Variants in CALN1 observed in about 807,000 individuals in gnomAD.
CALN1 encodes calcium-binding protein 8.
CALN1 carries 17 observed loss-of-function variants against 30.6 expected under a neutral mutation model. The ratio of observed to expected loss-of-function variants is 0.56; its 90% CI spans 0.38 to 0.83. The LOEUF is 0.83. Ranked by LOEUF, CALN1 falls within the 40% of genes least tolerant of loss-of-function variation. CALN1 has a pLI of 0.00. For synonymous variants in CALN1, 156 were observed against 131.4 expected, an observed-to-expected ratio of 1.19 and a Z score of -1.28; for missense variants, 291 against 354.9, an observed-to-expected ratio of 0.82 and a Z score of 1.45.
intron 4 of CALN1, among the ~76,000 whole-genome samples, chr7:72,075,505 G>A (rs183469244): frequency 6.6e-5 from 10 of 152,266 alleles, no homozygotes; most frequent in South Asian, 2.1e-4. Context: ...TCTGTCTACC[G>A]GTTGAACCTG....
intron 2 of CALN1, among the ~76,000 whole-genome samples, chr7:72,284,398 T>C (rs915288572): frequency 2.0e-5 from 3 of 152,254 alleles, no homozygotes; most frequent in Non-Finnish European, 4.4e-5. Flanking sequence ...GACTGGGCCA[T>C]GGGTTGCCCA....
At chr7:72,309,006 C>A (rs1799856251) in intron 2 of CALN1, among the ~76,000 whole-genome samples, 1 of 152,172 alleles carries the variant, frequency 6.6e-6, no homozygotes, top group Non-Finnish European at 1.5e-5. Flanking sequence ...TCAGTTATAC[C>A]TTATCCCCAT....
At chr7:72,352,542 A>G (rs914130125) in intron 2 of CALN1, among the ~76,000 whole-genome samples, 4 of 152,320 alleles carry the variant, frequency 2.6e-5, no homozygotes, top group Admixed American at 6.5e-5. Context: ...AGTTTTGCAT[A>G]ATGCGTATGT....
Position 72,178,619 on chromosome 7 carries a change from G to A in CALN1, c.245-72325C>T, listed in dbSNP as rs377334487. 1.9e-3 allele frequency among the ~76,000 whole-genome samples: 296 copies of A among 152,040 alleles called. 2 individuals are homozygous for A. Among genetic ancestry groups the A allele is most frequent in the Middle Eastern group, 6.8e-3 (2 of 294 alleles). On this transcript the variant is annotated intron_variant, in intron 3 of 6. Coordinates refer to ENST00000395275, the MANE Select transcript of CALN1 (RefSeq NM_031468.4). Reference sequence around the variant, plus strand: ...CAGGAGAATCATTTGAACTCGGGAGGCGGAGGTTGCAGTGAGCCGAGATCG... The same window carrying A: ...CAGGAGAATCATTTGAACTCGGGAGACGGAGGTTGCAGTGAGCCGAGATCG...
chr7:71,907,239 A>AACACACACACACACACACACACACACAC (rs71531773), intron 5 of CALN1, among the ~76,000 whole-genome samples: 17 of 147,840 alleles, frequency 1.1e-4, no homozygotes, highest in African/African-American at 4.2e-4. Context: ...ATGAGGTTTA[A>AACACACACACACACACACACACACACAC]ACACACACAC....
chr7:72,131,932 C>T (rs1261385330), intron 3 of CALN1, among the ~76,000 whole-genome samples: 1 of 152,182 alleles, frequency 6.6e-6, no homozygotes, highest in Admixed American at 6.5e-5. Context: ...CCCCATCCCA[C>T]ATGATTGTTG....
At chr7:72,120,422 T>C (rs1268702586) in intron 3 of CALN1, among the ~76,000 whole-genome samples, 3 of 152,168 alleles carry the variant, frequency 2.0e-5, no homozygotes, top group East Asian at 1.9e-4. Flanking sequence ...CCTATGGCCA[T>C]AGCAAAATTG....
chr7:72,037,183 C>T (rs1801852099), intron 4 of CALN1, among the ~76,000 whole-genome samples: 1 of 151,604 alleles, frequency 6.6e-6, no homozygotes, highest in Admixed American at 6.6e-5. Context: ...CGCAGTCTCG[C>T]ACTGTCACCC....
intron 4 of CALN1, among the ~76,000 whole-genome samples, chr7:72,063,129 AG>A (rs758797568): frequency 6.6e-6 from 1 of 152,252 alleles, no homozygotes. Context: ...ATCAAAAAAA[AG>A]GATCAAGCTG....
chr7:71,984,759 A>G (rs1798575876), intron 5 of CALN1, among the ~76,000 whole-genome samples: 1 of 152,234 alleles, frequency 6.6e-6, no homozygotes, highest in African/African-American at 2.4e-5. Flanking sequence ...ACCTGACAGC[A>G]ATAACTTTAG....
At chr7:71,853,280 T>A (rs1213233644) in intron 5 of CALN1, among the ~76,000 whole-genome samples, 1 of 152,106 alleles carries the variant, frequency 6.6e-6, no homozygotes, top group Non-Finnish European at 1.5e-5. Context: ...AAAATAAATT[T>A]GAAAATATTT....
intron 3 of CALN1, among the ~76,000 whole-genome samples, chr7:72,132,947 G>T (rs1809261100): frequency 6.6e-6 from 1 of 152,092 alleles, no homozygotes; most frequent in South Asian, 2.1e-4. Context: ...CAGCAGCATT[G>T]GATTCTCATA....
chr7:71,809,988 G>C (rs1243515852), intron 6 of CALN1, among the ~76,000 whole-genome samples: 1 of 151,972 alleles, frequency 6.6e-6, no homozygotes, highest in Non-Finnish European at 1.5e-5. Flanking sequence ...CAAGTTTGCC[G>C]GACAGCCAAA....
chr7:72,087,746 G>T (rs1307520720), intron 4 of CALN1, among the ~76,000 whole-genome samples: 2 of 152,202 alleles, frequency 1.3e-5, no homozygotes, highest in African/African-American at 4.8e-5. Flanking sequence ...GGTATTGGAA[G>T]GCCATAGCCC....
intron 3 of CALN1, among the ~76,000 whole-genome samples, chr7:72,209,401 T>C (rs199896228): frequency 0.03 from 305 of 10,322 alleles, no homozygotes; most frequent in Non-Finnish European, 0.032. Flanking sequence ...TCCTTCCCTC[T>C]TTCCTTCCCT....
chr7:72,058,337 A>T (rs1225854336), intron 4 of CALN1, among the ~76,000 whole-genome samples: 36 of 30,098 alleles, frequency 1.2e-3, no homozygotes, highest in Non-Finnish European at 2.3e-3. Context: ...TTTTTTTTTG[A>T]GACGGAGTCT....
chr7:72,392,604 G>A (rs1040140259), intron 2 of CALN1, among the ~76,000 whole-genome samples: 1 of 152,124 alleles, frequency 6.6e-6, no homozygotes, highest in Non-Finnish European at 1.5e-5. Flanking sequence ...CTAACAGCAA[G>A]ACTATTTAGG....
intron 2 of CALN1, chr7:72,336,704 C>T: frequency 1.0e-6 from 1 of 985,672 alleles, no homozygotes; most frequent in Non-Finnish European, 1.2e-6. Flanking sequence ...CGGCACTCAC[C>T]TCTTGCTGGG....
rs1342212777 is a variant in CALN1, at chr7:72,106,175, T to C, written c.364A>G (p.Ile122Val). The change falls in exon 4 of 7, where the codon ATC (isoleucine) becomes GTC (valine). Residue 122 changes from isoleucine (I) to valine (V), a missense_variant. By Grantham distance (29) the Ile-to-Val change is conservative. This residue lies in a region of CALN1 where 169 missense variants were observed against 251.7 expected (regional missense o/e 0.67). Coordinates refer to ENST00000395275, the MANE Select transcript of CALN1 (RefSeq NM_031468.4). ...CCGTCCATGTCCAAGCGCTGCATGA[T>C]GATGGCCAGCTCCACCTCGCTTGGC... ...YMPSEVELAIIMQRLDMDGDG... is the reference protein window; with the variant it reads ...YMPSEVELAIVMQRLDMDGDG... 2 of 1,614,026 alleles carry C rather than the reference T, an allele frequency of 1.2e-6. No individual in the cohort carries two copies. Among genetic ancestry groups the C allele is most frequent in the South Asian group, 1.1e-5 (1 of 91,040 alleles).
Sources: gnomAD v4.1 joint callset for allele counts (sites outside exome capture counted in the v4.1 genomes callset) on GRCh38, gnomAD v4.1.1 for gene constraint, gnomAD v4.1.1 regional missense constraint, MANE v1.5 for transcripts, NCBI Gene and HGNC (gene_info 2026-07-23, HGNC 2026-07-21) for gene names.